BNIP2: variants seen among roughly 807,000 people sequenced by gnomAD.
BNIP2 encodes the protein BCL2/adenovirus E1B 19 kDa protein-interacting protein 2.
A neutral mutation model predicts 43.4 loss-of-function variants in BNIP2; 36 were observed. The ratio of observed to expected loss-of-function variants is 0.83; its 90% CI spans 0.64 to 1.10. The LOEUF (loss-of-function observed/expected upper bound fraction) is 1.10, where lower values mean the gene tolerates loss of function less well. Ranked by LOEUF, BNIP2 falls within the 50% of genes least tolerant of loss-of-function variation. BNIP2 has a pLI of 0.00. For synonymous variants in BNIP2, 146 were observed against 121.0 expected (o/e 1.21, Z -1.35); for missense variants, 417 against 374.1 (o/e 1.11, Z -0.95).
chr15:59,676,245 C>A (rs538584534), intron 5 of BNIP2, among the ~76,000 whole-genome samples: 101 of 152,340 alleles, frequency 6.6e-4, no homozygotes, highest in African/African-American at 2.4e-3. Flanking sequence ...ATCACGGCCA[C>A]TGAAGCCTCA....
intron 2 of BNIP2, among the ~76,000 whole-genome samples, chr15:59,681,189 C>T (rs1000439350): frequency 8.5e-5 from 13 of 152,260 alleles, no homozygotes; most frequent in Admixed American, 6.5e-4. Context: ...CTCAGGTCTC[C>T]GATCAGCTGT....
chr15:59,674,400 T>C (rs1044771744), intron 5 of BNIP2, among the ~76,000 whole-genome samples: 7 of 152,192 alleles, frequency 4.6e-5, no homozygotes, highest in South Asian at 2.1e-4. Flanking sequence ...ATAAAAAAAG[T>C]GCTATTTCTG....
rs190842937 is a variant in BNIP2 at position 59,684,015 on chromosome 15, C to A, written c.-57-1501G>T. ...TGTCCTATAGCTATCTTATCTGCTA[C>A]GTCAACATTCAAAAGATGCACAAAG... On this transcript the variant is annotated intron_variant, in intron 1 of 9. Coordinates refer to ENST00000607373, the MANE Select transcript of BNIP2 (RefSeq NM_004330.4). Among the ~76,000 whole-genome samples, 136 of 152,260 alleles carry A rather than the reference C, an allele frequency of 8.9e-4. 1 individual carries two copies. The highest frequency in any genetic ancestry group is 3.6e-3 in the Admixed American group (55 of 15,294).
chr15:59,684,057 C>A (rs1595708249), intron 1 of BNIP2, among the ~76,000 whole-genome samples: 1 of 152,166 alleles, frequency 6.6e-6, no homozygotes, highest in Non-Finnish European at 1.5e-5. Context: ...AGAAAAAAGC[C>A]TTATGTTCCG....
At chr15:59,679,897 C>G in intron 3 of BNIP2, 129 bp from the exon 4 acceptor site, 1 of 872,196 alleles carries the variant, frequency 1.1e-6, no homozygotes, top group South Asian at 2.1e-5. Flanking sequence ...TTCAAAGCAC[C>G]TATTCACAAA....
intron 7 of BNIP2, among the ~76,000 whole-genome samples, chr15:59,670,686 T>C (rs1401872090): frequency 6.6e-6 from 1 of 152,152 alleles, no homozygotes; most frequent in Non-Finnish European, 1.5e-5. Flanking sequence ...TCAAAATTGA[T>C]TTCCCTCACA....
chr15:59,671,455 G>A, intron 6 of BNIP2, 141 bp from the exon 7 acceptor site: 1 of 592,706 alleles, frequency 1.7e-6, no homozygotes, highest in Non-Finnish European at 2.7e-6. Flanking sequence ...GCATTAGCTA[G>A]TATTACGATT....
At chr15:59,674,916 G>T (rs1308061420) in intron 5 of BNIP2, among the ~76,000 whole-genome samples, 3 of 152,166 alleles carry the variant, frequency 2.0e-5, no homozygotes, top group Non-Finnish European at 4.4e-5. Context: ...TATGGAAAGT[G>T]GGTGCTGTAT....
intron 9 of BNIP2, among the ~76,000 whole-genome samples, chr15:59,668,528 T>C (rs572504297): frequency 1.5e-4 from 23 of 152,350 alleles, no homozygotes; most frequent in African/African-American, 3.4e-4. Flanking sequence ...AATAATAATA[T>C]TGATGATCAG....
intron 9 of BNIP2, 142 bp downstream of exon 9, chr15:59,668,750 T>C: frequency 1.6e-6 from 1 of 641,072 alleles, no homozygotes; most frequent in Non-Finnish European, 2.4e-6. Context: ...TTCCTCTTTT[T>C]CTTTGTTACA....
intron 2 of BNIP2, among the ~76,000 whole-genome samples, chr15:59,681,727 G>C (rs529864276): frequency 2.0e-5 from 3 of 152,160 alleles, no homozygotes; most frequent in African/African-American, 7.2e-5. Flanking sequence ...GGTTACAGGC[G>C]TGAGCCACCG....
chr15:59,677,145 C>T, intron 5 of BNIP2: 1 of 1,597,542 alleles, frequency 6.3e-7, no homozygotes, highest in Non-Finnish European at 8.6e-7. Flanking sequence ...TATTTACATG[C>T]AGAAGGTGAT....
At chr15:59,688,599 G>T in intron 1 of BNIP2, 1 of 1,083,070 alleles carries the variant, frequency 9.2e-7, no homozygotes, top group Non-Finnish European at 1.3e-6. Context: ...AAAGGGTTGT[G>T]TCTAGATTCA....
At chr15:59,679,379 A>G (rs1893506783) in intron 4 of BNIP2, 1 of 421,448 alleles carries the variant, frequency 2.4e-6, no homozygotes, top group South Asian at 4.7e-5. Flanking sequence ...TGAAACAGCT[A>G]TGAAAAAAAC....
rs1333358036 is a variant in BNIP2 at position 59,678,747 on chromosome 15, C to G, written c.296-660G>C. 7.0e-6 allele frequency: 9 copies of G among 1,289,190 alleles called. No individual in the cohort carries two copies. The Admixed American group carries it at 2.0e-4, about 28-fold the overall frequency. 79.9% of individuals were successfully genotyped at this position (1,289,190 alleles called of 1,614,324 possible). A position where few individuals can be genotyped will look rare whatever the true frequency, so the allele number is the denominator to read the frequency against. On this transcript the variant is annotated intron_variant, in intron 4 of 9. Coordinates refer to ENST00000607373, the MANE Select transcript of BNIP2 (RefSeq NM_004330.4). Reference sequence around the variant, plus strand: ...CAAAATTTCAGTATTATAGTCCTTACCAAAAGATGGGGGGAGGGGGAAACC... The same window carrying G: ...CAAAATTTCAGTATTATAGTCCTTAGCAAAAGATGGGGGGAGGGGGAAACC...
chr15:59,668,299 T>C (rs974676294), intron 9 of BNIP2, among the ~76,000 whole-genome samples: 1 of 152,222 alleles, frequency 6.6e-6, no homozygotes, highest in African/African-American at 2.4e-5. Context: ...AATCTGACTT[T>C]CATACATTAA....
At chr15:59,688,575 A>T in intron 1 of BNIP2, 1 of 842,036 alleles carries the variant, frequency 1.2e-6, no homozygotes, top group African/African-American at 1.7e-5. Context: ...CCATTTTGCC[A>T]GGTATTTAAA....
In BNIP2 at chr15:59,672,660, T is replaced by C. The variant is rs374057170; in HGVS notation, c.552A>G (p.Arg184=). 3.1e-6 allele frequency: 5 copies of C among 1,613,360 alleles called. No homozygotes were observed. In the African/African-American group the frequency reaches 5.3e-5, roughly 17 times the overall value. ...FMPESSQPNY[R]YLMDNLFKYV... is the part of the protein sequence containing the mutation. ...ACTTAAAAAGATTGTCCATCAGGTA[T>C]CTATAGTTAGGCTGACTACTTTCAG... Residue 184 remains arginine (R), a synonymous_variant, in exon 6 of 10, where the codon AGA becomes AGG. Transcript: ENST00000607373.
chr15:59,682,728 A>G (rs1312937592), intron 1 of BNIP2, among the ~76,000 whole-genome samples: 1 of 152,150 alleles, frequency 6.6e-6, no homozygotes, highest in Non-Finnish European at 1.5e-5. Context: ...TGTTTATAGT[A>G]AGGATACTGT....
Sources: allele counts gnomAD v4.1 joint callset (sites outside exome capture counted in the v4.1 genomes callset), GRCh38; gene constraint gnomAD v4.1.1; transcripts MANE v1.5; gene names NCBI Gene and HGNC (gene_info 2026-07-23, HGNC 2026-07-21).